Variants in ENTHD1 observed in about 807,000 individuals in gnomAD.
The protein encoded by ENTHD1 is ENTH domain-containing protein 1.
Under a neutral mutation model 39.1 loss-of-function variants are expected in ENTHD1, and 23 were observed. The ratio of observed to expected loss-of-function variants is 0.59; its 90% CI spans 0.42 to 0.83. The LOEUF (loss-of-function observed/expected upper bound fraction) is 0.83. Among genes scored for constraint, ENTHD1 ranks in the 40% least tolerant of loss-of-function variants. The pLI is 0.00. For synonymous variants in ENTHD1, 230 were observed against 258.2 expected (o/e 0.89, Z 1.05); for missense variants, 624 against 705.4 (o/e 0.88, Z 1.31).
Position 39,765,621 on chromosome 22 carries a change from C to G in ENTHD1, c.833-12G>C, listed in dbSNP as rs776035598. The G allele has an allele frequency of 6.3e-7, 1 of 1,575,626 alleles. No individual in the cohort carries two copies. Among genetic ancestry groups the G allele is most frequent in the South Asian group, 1.2e-5 (1 of 84,880 alleles). On this transcript the variant is annotated splice_polypyrimidine_tract_variant and intron_variant, in intron 5 of 6. Transcript: ENST00000325157. ...AGTAGGCACAGCATCTATAAAAGAA[C>G]AAATAAGAGCTATAATCAAAAAATA...
intron 6 of ENTHD1, among the ~76,000 whole-genome samples, chr22:39,754,125 A>G (rs2065167359): frequency 6.6e-6 from 1 of 152,158 alleles, no homozygotes; most frequent in Non-Finnish European, 1.5e-5. Flanking sequence ...GCTTTGTGGG[A>G]CATATAGTCT....
chr22:39,806,587 C>A (rs557550241), intron 5 of ENTHD1, among the ~76,000 whole-genome samples: 1 of 152,304 alleles, frequency 6.6e-6, no homozygotes, highest in South Asian at 2.1e-4. Context: ...TTACTATGTA[C>A]TAAGCTCTGG....
chr22:39,795,293 T>G (rs1287804394), intron 5 of ENTHD1, among the ~76,000 whole-genome samples: 2 of 152,204 alleles, frequency 1.3e-5, no homozygotes, highest in African/African-American at 4.8e-5. Context: ...TTAGGGAGAA[T>G]TTCCTCCTCT....
chr22:39,822,012 G>A (rs1038791859), intron 4 of ENTHD1, among the ~76,000 whole-genome samples: 16 of 152,156 alleles, frequency 1.1e-4, no homozygotes, highest in African/African-American at 3.1e-4. Context: ...GTATTCAGAC[G>A]ACAGCAATCT....
chr22:39,757,014 CA>C (rs36089325), intron 6 of ENTHD1, among the ~76,000 whole-genome samples: 13,049 of 129,184 alleles, frequency 0.1, 541 homozygotes, highest in South Asian at 0.14. Flanking sequence ...CAATTTCTAC[CA>C]AAAAAAAAAA....
At chr22:39,763,425 C>T (rs924129003) in intron 6 of ENTHD1, among the ~76,000 whole-genome samples, 2 of 152,178 alleles carry the variant, frequency 1.3e-5, no homozygotes, top group African/African-American at 4.8e-5. Context: ...ACAGGCCCTT[C>T]AAGTCCCTGA....
At chr22:39,878,471 C>T (rs981646001) in intron 2 of ENTHD1, among the ~76,000 whole-genome samples, 1 of 145,782 alleles carries the variant, frequency 6.9e-6, no homozygotes, top group Non-Finnish European at 1.5e-5. Flanking sequence ...GAACATTAAG[C>T]AGGATAAATG....
Position 39,885,956 on chromosome 22 carries a change from T to C in ENTHD1, c.349+1444A>G, listed in dbSNP as rs2066375735. Among the ~76,000 whole-genome samples, 3 of 152,174 alleles carry C rather than the reference T, an allele frequency of 2.0e-5. 1 individual carries two copies. The highest frequency in any genetic ancestry group is 2.0e-4 in the Admixed American group (3 of 15,280). On this transcript the variant is annotated intron_variant, in intron 2 of 6. Coordinates refer to ENST00000325157, the MANE Select transcript of ENTHD1 (RefSeq NM_152512.4). ...ACTTACAAAGGCAAATTTTATGTTA[T>C]AGTTACAATTCTAAAAAATTATACT...
Position 39,836,876 on chromosome 22 carries a change from G to A in ENTHD1, c.593-918C>T, listed in dbSNP as rs192100749. 3.9e-5 allele frequency among the ~76,000 whole-genome samples: 6 copies of A among 152,166 alleles called. No homozygotes were observed. In the East Asian group the frequency reaches 7.7e-4, roughly 20 times the overall value. On this transcript the variant is annotated intron_variant, in intron 3 of 6. Coordinates refer to ENST00000325157, the MANE Select transcript of ENTHD1 (RefSeq NM_152512.4). ...CATTCTTGCTTCCCCTTTGCCTTCC[G>A]CTATGATTGTAAGTTTCCTGAGGCT...
intron 6 of ENTHD1, among the ~76,000 whole-genome samples, chr22:39,745,814 G>A (rs2065100268): frequency 6.6e-6 from 1 of 152,202 alleles, no homozygotes; most frequent in African/African-American, 2.4e-5. Flanking sequence ...AGAATTCTAG[G>A]TCAGAAATCC....
chr22:39,818,334 T>C (rs1224026019), intron 5 of ENTHD1, among the ~76,000 whole-genome samples: 1 of 152,164 alleles, frequency 6.6e-6, no homozygotes, highest in East Asian at 1.9e-4. Context: ...ATATGCATCA[T>C]GGAACAGAGA....
At chr22:39,828,916 TTTG>T (rs2065845865) in intron 4 of ENTHD1, among the ~76,000 whole-genome samples, 1 of 152,208 alleles carries the variant, frequency 6.6e-6, no homozygotes, top group African/African-American at 2.4e-5. Flanking sequence ...TGTTATGAAT[TTTG>T]TTTACTGCAT....
chr22:39,747,081 G>A (rs925868142), intron 6 of ENTHD1, among the ~76,000 whole-genome samples: 3 of 152,030 alleles, frequency 2.0e-5, no homozygotes, highest in Admixed American at 2.0e-4. Flanking sequence ...CCTCAACCTG[G>A]GCTCAAGCGA....
intron 5 of ENTHD1, among the ~76,000 whole-genome samples, chr22:39,812,065 T>G (rs983401253): frequency 1.3e-5 from 2 of 150,752 alleles, no homozygotes; most frequent in African/African-American, 4.9e-5. Flanking sequence ...ATGTAAACAA[T>G]GCAAGCAGGT....
intron 6 of ENTHD1, among the ~76,000 whole-genome samples, chr22:39,755,831 C>T (rs528060930): frequency 7.2e-5 from 11 of 152,248 alleles, no homozygotes; most frequent in African/African-American, 2.6e-4. Context: ...TATTAAATCC[C>T]CACAATATCT....
intron 5 of ENTHD1, among the ~76,000 whole-genome samples, chr22:39,767,953 C>G (rs1232257310): frequency 2.6e-5 from 4 of 152,140 alleles, no homozygotes; most frequent in Non-Finnish European, 4.4e-5. Context: ...CTTTTGGTTG[C>G]TTGGACTTTT....
At chr22:39,816,940 C>A (rs2065738402) in intron 5 of ENTHD1, among the ~76,000 whole-genome samples, 1 of 150,564 alleles carries the variant, frequency 6.6e-6, no homozygotes. Flanking sequence ...TGATATATAT[C>A]TCTATATATA....
At position 39,843,845 on chromosome 22, in the gene ENTHD1, G is replaced by A. The variant is rs79756072; in HGVS notation, c.593-7887C>T. 2.7e-3 allele frequency among the ~76,000 whole-genome samples: 416 copies of A among 152,246 alleles called. 2 individuals carry two copies. Among genetic ancestry groups the A allele is most frequent in the African/African-American group, 9.3e-3 (388 of 41,550 alleles). ...TGTCTTCAGCTGTTGGGAATTCCCA[G>A]AGGAGGATTCAGTTGAGAGCCCACA... On this transcript the variant is annotated intron_variant, in intron 3 of 6. Transcript: ENST00000325157.
At chr22:39,753,299 T>C (rs1380837198) in intron 6 of ENTHD1, among the ~76,000 whole-genome samples, 1 of 152,246 alleles carries the variant, frequency 6.6e-6, no homozygotes. Context: ...TCCTCCTCCT[T>C]TTCTTGTGTA....
Sources: gnomAD v4.1 joint callset for allele counts (sites outside exome capture counted in the v4.1 genomes callset) on GRCh38, gnomAD v4.1.1 for gene constraint, MANE v1.5 for transcripts, NCBI Gene and HGNC (gene_info 2026-07-23, HGNC 2026-07-21) for gene names.